GNB4: variants seen among roughly 807,000 people sequenced by gnomAD.
GNB4 encodes the protein guanine nucleotide-binding protein subunit beta-4.
GNB4 carries 28 observed loss-of-function variants against 45.2 expected under a neutral mutation model. The observed-to-expected ratio is 0.62, with a 90% CI of 0.46 to 0.85. The LOEUF is 0.85. GNB4 is among the 40% of genes least tolerant of loss of function. The pLI is 0.00. For missense variants in GNB4, 321 were observed against 425.4 expected (o/e 0.75, Z 2.16); for synonymous variants, 132 against 143.7 (o/e 0.92, Z 0.58).
At chr3:179,476,520 C>T in the GNB4 span, among the ~76,000 whole-genome samples, 4 of 152,280 alleles carry the variant, frequency 2.6e-5, no homozygotes, top group East Asian at 3.9e-4. Context: ...TGGATCCACT[C>T]GGAATTGCTC....
intron 1 of GNB4, among the ~76,000 whole-genome samples, chr3:179,436,591 T>C (rs1002209525): frequency 6.6e-6 from 1 of 152,184 alleles, no homozygotes; most frequent in Non-Finnish European, 1.5e-5. Context: ...TTTAAAGCTT[T>C]TATGATTTTT....
At chr3:179,402,684 CA>C (rs1194969327) in intron 9 of GNB4, among the ~76,000 whole-genome samples, 2 of 152,114 alleles carry the variant, frequency 1.3e-5, no homozygotes, top group African/African-American at 2.4e-5. Context: ...ATACTGAGTT[CA>C]AAATGAATAG....
In GNB4 at chr3:179,446,451, T is replaced by C. The variant is rs914903660; in HGVS notation, c.-43+4895A>G. On this transcript the variant is annotated intron_variant, in intron 1 of 9. Coordinates refer to ENST00000232564, the MANE Select transcript of GNB4 (RefSeq NM_021629.4). ...AATTCTTTTAAGAGATCCAAACATT[T>C]TGGGTGTGCTCAATAGGTTATTTTT... 5.3e-5 allele frequency among the ~76,000 whole-genome samples: 8 copies of C among 152,244 alleles called. No homozygotes were observed. The South Asian group carries it at 1.5e-3, about 28-fold the overall frequency.
rs1714120747 is a variant in GNB4 at position 179,396,494 on chromosome 3, A to T, written c.*4719T>A. 1 of 152,250 alleles carries T rather than the reference A, an allele frequency of 6.6e-6. No individual in the cohort carries two copies. Among genetic ancestry groups the T allele is most frequent in the Non-Finnish European group, 1.5e-5 (1 of 68,044 alleles). The allele number at this position is 152,250 out of a possible 1,614,324, so 9.4% of individuals were successfully genotyped here. On this transcript the variant is annotated 3_prime_UTR_variant, in exon 10 of 10. Transcript: ENST00000232564. ...AGGATAGAGCACCATTGTGTAAAAG[A>T]CAAAAGGCTTGAGATATCTACCAAG...
At chr3:179,413,302 A>G (rs1714704378) in intron 8 of GNB4, 110 bp downstream of exon 8, 2 of 792,632 alleles carry the variant, frequency 2.5e-6, no homozygotes, top group Admixed American at 2.2e-5. Context: ...AAGTTATAAG[A>G]GCACATTACT....
chr3:179,500,009 A>T, the GNB4 span, among the ~76,000 whole-genome samples: 76 of 152,334 alleles, frequency 5.0e-4, 2 homozygotes, highest in South Asian at 0.015. Flanking sequence ...GATTGCAAAA[A>T]AATTTTCTCC....
chr3:179,506,385 A>G, the GNB4 span, among the ~76,000 whole-genome samples: 1 of 152,178 alleles, frequency 6.6e-6, no homozygotes, highest in African/African-American at 2.4e-5. Flanking sequence ...CTAAAACACT[A>G]GCAGTATTTA....
At chr3:179,464,623 C>A in the GNB4 span, 1 of 1,221,774 alleles carries the variant, frequency 8.2e-7, no homozygotes, top group Non-Finnish European at 1.2e-6. Flanking sequence ...AGGGCAGCTG[C>A]AGATGTGGGA....
At chr3:179,413,834 T>TGA in intron 6 of GNB4, 53 bp from the exon 7 acceptor site, 1 of 1,305,328 alleles carries the variant, frequency 7.7e-7, no homozygotes, top group Non-Finnish European at 1.1e-6. Flanking sequence ...AATAACTCAG[T>TGA]TACCATGTGA....
the GNB4 span, among the ~76,000 whole-genome samples, chr3:179,508,932 G>GTGTATATATATATATATATA: frequency 2.0e-5 from 2 of 102,138 alleles, no homozygotes; most frequent in African/African-American, 9.3e-5. Context: ...TTCAGCATGT[G>GTGTATATATATATATATATA]TATATATATA....
chr3:179,488,895 G>A, the GNB4 span, among the ~76,000 whole-genome samples: 1 of 147,482 alleles, frequency 6.8e-6, no homozygotes, highest in Non-Finnish European at 1.5e-5. Flanking sequence ...GACGCAGGAG[G>A]ATCGCTTGAA....
At chr3:179,496,427 G>A in the GNB4 span, among the ~76,000 whole-genome samples, 9 of 151,870 alleles carry the variant, frequency 5.9e-5, no homozygotes, top group African/African-American at 1.9e-4. Flanking sequence ...AAAAGAGGAA[G>A]AAACAAAATA....
the GNB4 span, among the ~76,000 whole-genome samples, chr3:179,490,299 G>T: frequency 6.6e-6 from 1 of 152,128 alleles, no homozygotes; most frequent in African/African-American, 2.4e-5. Context: ...ATGCAGCCAG[G>T]TCAATTGTCT....
At chr3:179,485,925 G>A in the GNB4 span, among the ~76,000 whole-genome samples, 1 of 150,936 alleles carries the variant, frequency 6.6e-6, no homozygotes, top group Admixed American at 6.6e-5. Flanking sequence ...GAGTGACAGT[G>A]AGACTCTGTC....
chr3:179,503,140 G>A, the GNB4 span, among the ~76,000 whole-genome samples: 3 of 152,090 alleles, frequency 2.0e-5, no homozygotes, highest in Admixed American at 6.6e-5. Flanking sequence ...TTTATCAAAT[G>A]GTGCATTTAA....
the GNB4 span, among the ~76,000 whole-genome samples, chr3:179,490,410 G>A: frequency 3.1e-3 from 470 of 151,524 alleles, 2 homozygotes; most frequent in African/African-American, 0.011. Context: ...TAGACAGATA[G>A]GTACGTAGGT....
the GNB4 span, among the ~76,000 whole-genome samples, chr3:179,498,212 G>A: frequency 6.6e-6 from 1 of 152,192 alleles, no homozygotes; most frequent in Non-Finnish European, 1.5e-5. Context: ...CATGTTATAT[G>A]TTACAGGTTT....
the GNB4 span, among the ~76,000 whole-genome samples, chr3:179,508,932 G>GTATATATATATATATATATATATA: frequency 2.9e-3 from 292 of 102,052 alleles, 9 homozygotes; most frequent in African/African-American, 0.011. Context: ...TTCAGCATGT[G>GTATATATATATATATATATATATA]TATATATATA....
At chr3:179,409,373 G>A (rs1209934911) in intron 8 of GNB4, among the ~76,000 whole-genome samples, 1 of 151,824 alleles carries the variant, frequency 6.6e-6, no homozygotes, top group Non-Finnish European at 1.5e-5. Flanking sequence ...TCAGCCGGGT[G>A]TGTTGGCTCA....
Sources: allele counts gnomAD v4.1 joint callset (sites outside exome capture counted in the v4.1 genomes callset), GRCh38; gene constraint gnomAD v4.1.1; transcripts MANE v1.5; gene names NCBI Gene and HGNC (gene_info 2026-07-23, HGNC 2026-07-21).